Variants in CCDC85A observed in about 807,000 individuals in gnomAD.
CCDC85A encodes coiled-coil domain containing 85A.
In CCDC85A, 38 loss-of-function variants were observed where a neutral mutation model predicts 50.2. That is an observed-to-expected ratio of 0.76 (90% CI 0.58 to 0.99). CCDC85A has a LOEUF of 0.99. Ranked by LOEUF, CCDC85A falls within the 50% of genes least tolerant of loss-of-function variation. CCDC85A has a pLI of 0.00. For synonymous variants in CCDC85A, 366 were observed against 301.4 expected (o/e 1.21, Z -2.22); for missense variants, 820 against 742.0 (o/e 1.11, Z -1.22).
intron 2 of CCDC85A, among the ~76,000 whole-genome samples, chr2:56,296,800 G>A (rs1671969851): frequency 2.6e-5 from 4 of 152,190 alleles, no homozygotes; most frequent in African/African-American, 9.6e-5. Flanking sequence ...AATTTACATA[G>A]CAAATTAATA....
In CCDC85A at chr2:56,193,270, C is replaced by G. The variant is rs1676384674; in HGVS notation, c.1070C>G (p.Thr357Ser). The change falls in exon 2 of 6, where the codon ACC becomes AGC. Residue 357 changes from threonine to serine, a missense_variant. By Grantham distance (58) the Thr-to-Ser change is moderately conservative. Transcript: ENST00000407595. ...GAGCATCTCCCCAGAGCCAGGGGCA[C>G]CAGCCCGGAGCACCTCAAACAACAT... ...SLEHLPRARG[T>S]SPEHLKQHYG... 2 of 1,611,246 alleles carry G rather than the reference C, an allele frequency of 1.2e-6. No individual in the cohort carries two copies. The highest frequency in any genetic ancestry group is 1.7e-6 in the Non-Finnish European group (2 of 1,179,062).
At position 56,356,324 on chromosome 2, in the gene CCDC85A, G is replaced by C. The variant is rs147465569; in HGVS notation, c.1317+13369G>C. On this transcript the variant is annotated intron_variant, in intron 3 of 5. Coordinates refer to ENST00000407595, the MANE Select transcript of CCDC85A (RefSeq NM_001080433.2). ...CTTTGTATTTTGCAATTTTTGTTTG[G>C]AACAAGCCCCGTTCACTTTCTACTC... 2.3e-3 allele frequency among the ~76,000 whole-genome samples: 352 copies of C among 152,290 alleles called. 1 individual carries two copies. The highest frequency in any genetic ancestry group is 7.8e-3 in the African/African-American group (326 of 41,560).
At chr2:56,314,425 G>A (rs1011278563) in intron 2 of CCDC85A, among the ~76,000 whole-genome samples, 1 of 151,964 alleles carries the variant, frequency 6.6e-6, no homozygotes, top group African/African-American at 2.4e-5. Flanking sequence ...GGGTTGATGT[G>A]TATTTTGCAA....
intron 3 of CCDC85A, among the ~76,000 whole-genome samples, chr2:56,358,720 T>G (rs1270563371): frequency 1.3e-5 from 2 of 152,184 alleles, no homozygotes; most frequent in Non-Finnish European, 2.9e-5. Context: ...TGCTGATCCC[T>G]GCTTTACACT....
intron 2 of CCDC85A, among the ~76,000 whole-genome samples, chr2:56,272,691 A>T (rs1670748839): frequency 6.6e-6 from 1 of 152,208 alleles, no homozygotes. Flanking sequence ...GCAGAATATT[A>T]GCACCTTGAG....
At chr2:56,291,399 T>G (rs1553406321) in intron 2 of CCDC85A, among the ~76,000 whole-genome samples, 1 of 152,162 alleles carries the variant, frequency 6.6e-6, no homozygotes, top group Non-Finnish European at 1.5e-5. Flanking sequence ...GAACATATCA[T>G]TAGTTAGTGA....
rs1672777303 is a variant in CCDC85A at position 56,313,304 on chromosome 2, G to T, written c.1241-29575G>T. The stretch of plus-strand genomic sequence containing the variant: ...TTCCCAACTAGCCTGCAAATCTCAT[G>T]TGTGCTATATCTCTTCATAATTATA... On this transcript the variant is annotated intron_variant, in intron 2 of 5. Transcript: ENST00000407595. 2.0e-5 allele frequency among the ~76,000 whole-genome samples: 3 copies of T among 152,074 alleles called. No homozygotes were observed. The South Asian group carries it at 6.2e-4, about 32-fold the overall frequency.
intron 2 of CCDC85A, among the ~76,000 whole-genome samples, chr2:56,274,533 G>A (rs1207091386): frequency 1.3e-5 from 2 of 152,152 alleles, no homozygotes; most frequent in Non-Finnish European, 2.9e-5. Context: ...TGCTCTTAGG[G>A]CTTTCAACCG....
chr2:56,357,150 A>G (rs1227070377), intron 3 of CCDC85A, among the ~76,000 whole-genome samples: 1 of 151,958 alleles, frequency 6.6e-6, no homozygotes, highest in East Asian at 1.9e-4. Flanking sequence ...TCTTCTGAGC[A>G]TTGATTCATT....
rs1232443793 is a variant in CCDC85A at position 56,358,225 on chromosome 2, C to A, written c.1318-14119C>A. Among the ~76,000 whole-genome samples, 8 of 152,274 alleles carry A rather than the reference C, an allele frequency of 5.3e-5. No individual in the cohort carries two copies. The South Asian group carries it at 1.7e-3, about 32-fold the overall frequency. On this transcript the variant is annotated intron_variant, in intron 3 of 5. Transcript: ENST00000407595. ...TCTGAATACGACAGATCCCAGGAAACCTGGGCTTTAGTTTCTAGTCCATCT... is the reference window on the plus strand; with the variant it reads ...TCTGAATACGACAGATCCCAGGAAAACTGGGCTTTAGTTTCTAGTCCATCT...
chr2:56,246,767 C>T (rs1447576826), intron 2 of CCDC85A, among the ~76,000 whole-genome samples: 1 of 152,120 alleles, frequency 6.6e-6, no homozygotes, highest in African/African-American at 2.4e-5. Context: ...TTTTCCAATG[C>T]ACAGATTTCT....
At chr2:56,329,945 G>GTTTTTTTTTT (rs535050957) in intron 2 of CCDC85A, among the ~76,000 whole-genome samples, 6 of 44,160 alleles carry the variant, frequency 1.4e-4, no homozygotes, top group African/African-American at 2.1e-4. Flanking sequence ...CAGATTTCCT[G>GTTTTTTTTTT]TTTTTTTTTT....
chr2:56,292,088 G>A (rs942032164), intron 2 of CCDC85A, among the ~76,000 whole-genome samples: 15 of 151,958 alleles, frequency 9.9e-5, no homozygotes, highest in Admixed American at 9.2e-4. Context: ...TTTTCTTTTC[G>A]TTTTTTCTTT....
intron 2 of CCDC85A, among the ~76,000 whole-genome samples, chr2:56,306,920 A>G (rs546935475): frequency 1.3e-5 from 2 of 152,260 alleles, no homozygotes; most frequent in East Asian, 3.9e-4. Context: ...CATGTTAGGA[A>G]GACATTTTTT....
At position 56,308,678 on chromosome 2, in the gene CCDC85A, T is replaced by C. The variant is rs548788053; in HGVS notation, c.1241-34201T>C. 4.6e-5 allele frequency among the ~76,000 whole-genome samples: 7 copies of C among 152,332 alleles called. No individual in the cohort carries two copies. The East Asian group carries it at 1.3e-3, about 29-fold the overall frequency. The stretch of plus-strand genomic sequence containing the variant: ...CCCTGAAATTTAAGAGGAAACTTCA[T>C]CCCAAATGGCATTTGTTTATGAGGA... On this transcript the variant is annotated intron_variant, in intron 2 of 5. Coordinates refer to ENST00000407595, the MANE Select transcript of CCDC85A (RefSeq NM_001080433.2).
chr2:56,208,035 A>G (rs1320612546), intron 2 of CCDC85A, among the ~76,000 whole-genome samples: 1 of 152,182 alleles, frequency 6.6e-6, no homozygotes, highest in Non-Finnish European at 1.5e-5. Context: ...TAGGTTTCTT[A>G]GTCACATGTC....
intron 3 of CCDC85A, among the ~76,000 whole-genome samples, chr2:56,345,162 G>T (rs1247810558): frequency 6.6e-6 from 1 of 152,082 alleles, no homozygotes; most frequent in Non-Finnish European, 1.5e-5. Flanking sequence ...TTACTATTTT[G>T]CTACCAAGGA....
chr2:56,312,959 C>T (rs1672762028), intron 2 of CCDC85A, among the ~76,000 whole-genome samples: 1 of 152,090 alleles, frequency 6.6e-6, no homozygotes, highest in Non-Finnish European at 1.5e-5. Context: ...GTAGAGAGCA[C>T]TTTATGCTTT....
chr2:56,246,050 A>G (rs900847382), intron 2 of CCDC85A, among the ~76,000 whole-genome samples: 1 of 152,108 alleles, frequency 6.6e-6, no homozygotes, highest in Non-Finnish European at 1.5e-5. Context: ...TCAGCCTCCC[A>G]AGTAGCTGGG....
Sources: gnomAD v4.1 joint callset for allele counts (sites outside exome capture counted in the v4.1 genomes callset) on GRCh38, gnomAD v4.1.1 for gene constraint, MANE v1.5 for transcripts, NCBI Gene and HGNC (gene_info 2026-07-23, HGNC 2026-07-21) for gene names.